The following ATXN1 variants were observed in gnomAD, a reference collection of about 807,000 sequenced individuals.
The protein encoded by ATXN1 is ataxin 1.
In ATXN1, 8 loss-of-function variants were observed where a neutral mutation model predicts 56.4. That is an observed-to-expected ratio of 0.14 (90% CI 0.08 to 0.26). The LOEUF (loss-of-function observed/expected upper bound fraction) is 0.26. Among genes scored for constraint, ATXN1 ranks in the 10% least tolerant of loss-of-function variants. The pLI is 1.00. For synonymous variants in ATXN1, 514 were observed against 494.6 expected (o/e 1.04, Z -0.52); for missense variants, 987 against 1,106.5 (o/e 0.89, Z 1.53).
intron 6 of ATXN1, among the ~76,000 whole-genome samples, chr6:16,364,822 C>T (rs1157115563): frequency 6.6e-6 from 1 of 152,092 alleles, no homozygotes; most frequent in African/African-American, 2.4e-5. Context: ...CATTTACGTG[C>T]CAGGCACATC....
intron 4 of ATXN1, among the ~76,000 whole-genome samples, chr6:16,563,840 T>C (rs1444880042): frequency 5.3e-5 from 8 of 152,156 alleles, no homozygotes; most frequent in African/African-American, 1.9e-4. Context: ...CATCATCTTT[T>C]TGTCAACGGG....
At chr6:16,741,682 T>A (rs980227951) in intron 2 of ATXN1, among the ~76,000 whole-genome samples, 1 of 152,078 alleles carries the variant, frequency 6.6e-6, no homozygotes, top group Non-Finnish European at 1.5e-5. Flanking sequence ...TGTCATGGAG[T>A]TTAGTCTGAG....
intron 3 of ATXN1, among the ~76,000 whole-genome samples, chr6:16,637,865 T>C (rs1763628614): frequency 6.6e-6 from 1 of 152,194 alleles, no homozygotes; most frequent in African/African-American, 2.4e-5. Flanking sequence ...TCACTATCAG[T>C]CAAACATGAT....
At chr6:16,487,641 T>C (rs535645474) in intron 5 of ATXN1, among the ~76,000 whole-genome samples, 1 of 152,274 alleles carries the variant, frequency 6.6e-6, no homozygotes, top group Non-Finnish European at 1.5e-5. Flanking sequence ...GAATACATGG[T>C]AAACAAAATA....
intron 4 of ATXN1, among the ~76,000 whole-genome samples, chr6:16,583,694 C>A (rs545993408): frequency 6.6e-6 from 1 of 152,252 alleles, no homozygotes; most frequent in South Asian, 2.1e-4. Context: ...GTGCCCCCAG[C>A]CAGGTGATCC....
chr6:16,389,443 G>C (rs35186034), intron 6 of ATXN1, among the ~76,000 whole-genome samples: 1 of 151,962 alleles, frequency 6.6e-6, no homozygotes, highest in Non-Finnish European at 1.5e-5. Flanking sequence ...AAAAGAAAGC[G>C]ACAGATATTG....
At chr6:16,566,851 G>A (rs1000383813) in intron 4 of ATXN1, among the ~76,000 whole-genome samples, 5 of 108,858 alleles carry the variant, frequency 4.6e-5, no homozygotes, top group Admixed American at 1.1e-4. Flanking sequence ...GTGAGACTCC[G>A]TCTCAAAAAC....
intron 2 of ATXN1, among the ~76,000 whole-genome samples, chr6:16,697,436 A>C (rs1759187327): frequency 6.6e-6 from 1 of 151,902 alleles, no homozygotes; most frequent in Non-Finnish European, 1.5e-5. Context: ...TCATCTTTTT[A>C]ACAGCACTCT....
chr6:16,408,504 G>T (rs1223373869), intron 6 of ATXN1, among the ~76,000 whole-genome samples: 1 of 145,450 alleles, frequency 6.9e-6, no homozygotes, highest in Non-Finnish European at 1.5e-5. Context: ...TGAGGAACAT[G>T]ATGAGGATGG....
chr6:16,323,857 T>C (rs1760741805), intron 7 of ATXN1, among the ~76,000 whole-genome samples: 1 of 152,162 alleles, frequency 6.6e-6, no homozygotes, highest in South Asian at 2.1e-4. Flanking sequence ...CCCTAATTCA[T>C]GCAGGAAGTG....
chr6:16,702,807 C>A (rs1759315650), intron 2 of ATXN1, among the ~76,000 whole-genome samples: 2 of 152,160 alleles, frequency 1.3e-5, no homozygotes, highest in South Asian at 2.1e-4. Context: ...GTTAGAATGG[C>A]AATCATTAAA....
chr6:16,674,986 G>A (rs541237035), intron 2 of ATXN1, among the ~76,000 whole-genome samples: 1 of 152,276 alleles, frequency 6.6e-6, no homozygotes, highest in South Asian at 2.1e-4. Context: ...GCAGTAAACT[G>A]GAAACATAGC....
chr6:16,403,429 C>T (rs926680805), intron 6 of ATXN1, among the ~76,000 whole-genome samples: 2 of 152,232 alleles, frequency 1.3e-5, no homozygotes, highest in Admixed American at 1.3e-4. Context: ...CAGCTCACTT[C>T]AGCCTTGACC....
intron 6 of ATXN1, among the ~76,000 whole-genome samples, chr6:16,467,392 C>A (rs1301299396): frequency 6.6e-6 from 1 of 152,182 alleles, no homozygotes; most frequent in Admixed American, 6.5e-5. Context: ...CATCCACAAA[C>A]CAGAGGGACG....
chr6:16,631,851 G>T (rs531391189), intron 3 of ATXN1, among the ~76,000 whole-genome samples: 4 of 152,222 alleles, frequency 2.6e-5, no homozygotes, highest in African/African-American at 9.6e-5. Flanking sequence ...TAAAACTCAA[G>T]CATCAACAGG....
chr6:16,431,075 C>T (rs937646243), intron 6 of ATXN1, among the ~76,000 whole-genome samples: 7 of 151,940 alleles, frequency 4.6e-5, no homozygotes, highest in Admixed American at 2.6e-4. Context: ...GAGAGCAGCC[C>T]GCCTCCATGT....
In ATXN1 at chr6:16,440,648, A is replaced by AAAAAAAGAAAG. The variant is rs748929817; in HGVS notation, c.-161+45323_-161+45324insCTTTCTTTTTT. 8.4e-5 allele frequency among the ~76,000 whole-genome samples: 10 copies of AAAAAAAGAAAG among 118,570 alleles called. 1 individual carries two copies. Among genetic ancestry groups the AAAAAAAGAAAG allele is most frequent in the South Asian group, 3.0e-4 (1 of 3,296 alleles). 77.8% of individuals were successfully genotyped at this position (118,570 alleles called of 152,430 possible). On this transcript the variant is annotated intron_variant, in intron 6 of 7. Coordinates refer to ENST00000436367, the MANE Select transcript of ATXN1 (RefSeq NM_001128164.2). ...AGAGTGAGACCCTGTCTTAAAAAAAAAAAAGAAAAGAAAAGAAAAAATTAA... is the reference window on the plus strand; with the variant it reads ...AGAGTGAGACCCTGTCTTAAAAAAAAAAAAAAGAAAGAAAAGAAAAGAAAAGAAAAAATTAA...
intron 5 of ATXN1, among the ~76,000 whole-genome samples, chr6:16,513,421 A>G (rs1486664970): frequency 6.6e-6 from 1 of 152,184 alleles, no homozygotes; most frequent in Non-Finnish European, 1.5e-5. Context: ...AACTATAGGA[A>G]ATGGGGAACA....
chr6:16,674,336 CTTTTT>C (rs869081370), intron 2 of ATXN1, among the ~76,000 whole-genome samples: 1 of 78,132 alleles, frequency 1.3e-5, no homozygotes, highest in African/African-American at 5.5e-5. Flanking sequence ...AGAGAACTTT[CTTTTT>C]TTTTTTTTTT....
Sources: allele counts gnomAD v4.1 joint callset (sites outside exome capture counted in the v4.1 genomes callset), GRCh38; gene constraint gnomAD v4.1.1; transcripts MANE v1.5; gene names NCBI Gene and HGNC (gene_info 2026-07-23, HGNC 2026-07-21).